SNRNP40: variants seen among roughly 807,000 people sequenced by gnomAD.
SNRNP40 encodes the protein small nuclear ribonucleoprotein U5 subunit 40.
SNRNP40 carries 21 observed loss-of-function variants against 45.8 expected under a neutral mutation model. That is an observed-to-expected ratio of 0.46 (90% CI 0.32 to 0.66). The LOEUF is 0.66. Among genes scored for constraint, SNRNP40 ranks in the 30% least tolerant of loss-of-function variants. The pLI, the probability that SNRNP40 is intolerant of heterozygous loss-of-function variation, is 0.03. For synonymous variants in SNRNP40, 142 were observed against 163.8 expected (o/e 0.87, Z 1.01); for missense variants, 344 against 439.1 (o/e 0.78, Z 1.94).
rs368995037 is a variant in SNRNP40, at chr1:31,274,645, T to TAAAA, written c.655-3150_655-3147dup. Among the ~76,000 whole-genome samples the TAAAA allele has an allele frequency of 2.3e-3, 259 of 111,998 alleles. 3 individuals are homozygous for TAAAA. Among genetic ancestry groups the TAAAA allele is most frequent in the African/African-American group, 8.2e-3 (235 of 28,588 alleles). 73.5% of individuals were successfully genotyped at this position (111,998 alleles called of 152,430 possible). On this transcript the variant is annotated intron_variant, in intron 5 of 9. Coordinates refer to ENST00000263694, the MANE Select transcript of SNRNP40 (RefSeq NM_004814.3). ...TAATCTATCCTTTTAACCATTACAT[T>TAAAA]AAAAAAAAAAAAAAAAAAAACCAAA...
At chr1:31,278,875 G>A (rs1253544330) in intron 5 of SNRNP40, among the ~76,000 whole-genome samples, 3 of 152,098 alleles carry the variant, frequency 2.0e-5, no homozygotes, top group African/African-American at 7.2e-5. Context: ...GGCCCTTGGC[G>A]AATAATGATG....
chr1:31,267,726 G>A, intron 8 of SNRNP40, 145 bp downstream of exon 8: 3 of 610,318 alleles, frequency 4.9e-6, no homozygotes, highest in Non-Finnish European at 9.0e-6. Context: ...GTAGGGATGG[G>A]GTTTCTCCAT....
chr1:31,289,885 T>C (rs563476707), intron 3 of SNRNP40, among the ~76,000 whole-genome samples: 13 of 152,304 alleles, frequency 8.5e-5, no homozygotes, highest in African/African-American at 3.1e-4. Context: ...CTTTCATTTT[T>C]TTTTTGAGAT....
intron 4 of SNRNP40, among the ~76,000 whole-genome samples, chr1:31,287,884 C>T (rs1014135696): frequency 1.3e-5 from 2 of 152,192 alleles, no homozygotes; most frequent in African/African-American, 4.8e-5. Flanking sequence ...GTAGTCCCAG[C>T]TACTAGGGAG....
At chr1:31,286,883 C>T (rs1646063495) in intron 4 of SNRNP40, among the ~76,000 whole-genome samples, 1 of 152,126 alleles carries the variant, frequency 6.6e-6, no homozygotes, top group Non-Finnish European at 1.5e-5. Context: ...CTGCTTTGGC[C>T]TATATAACTG....
At chr1:31,266,749 A>C (rs1645899371) in intron 8 of SNRNP40, among the ~76,000 whole-genome samples, 1 of 152,234 alleles carries the variant, frequency 6.6e-6, no homozygotes, top group South Asian at 2.1e-4. Flanking sequence ...CAACACAGGC[A>C]GGCATTACCA....
chr1:31,271,991 A>T (rs990724955), intron 5 of SNRNP40, among the ~76,000 whole-genome samples: 1 of 152,228 alleles, frequency 6.6e-6, no homozygotes, highest in Non-Finnish European at 1.5e-5. Context: ...AGATAAATAT[A>T]AACGAATGCA....
At chr1:31,281,693 G>A (rs1646017609) in intron 4 of SNRNP40, 197 bp from the exon 5 acceptor site, 2 of 409,470 alleles carry the variant, frequency 4.9e-6, no homozygotes, top group Non-Finnish European at 8.7e-6. Context: ...TTTGAAGGCT[G>A]GTGAAACAAA....
intron 5 of SNRNP40, among the ~76,000 whole-genome samples, chr1:31,275,300 C>T (rs994906688): frequency 1.3e-5 from 2 of 152,152 alleles, no homozygotes; most frequent in South Asian, 2.1e-4. Context: ...CTCTCCTTTG[C>T]ATGTTTAAAG....
chr1:31,259,826 A>G lies in SNRNP40; in HGVS notation c.*246T>C, dbSNP rs1238044400. The G allele has an allele frequency of 1.2e-5, 8 of 661,742 alleles. No homozygotes were observed. Among genetic ancestry groups the G allele is most frequent in the Admixed American group, 8.6e-5 (4 of 46,334 alleles). The allele number at this position is 661,742 out of a possible 1,614,324, so 41.0% of individuals were successfully genotyped here. On this transcript the variant is annotated 3_prime_UTR_variant, in exon 10 of 10. Coordinates refer to ENST00000263694, the MANE Select transcript of SNRNP40 (RefSeq NM_004814.3). ...CTGCATTAGAAAACAGGAAAAAAGA[A>G]AAAGAAAAAAAAAAACAGTCCCTGA...
Position 31,296,783 on chromosome 1 carries a change from G to C in SNRNP40, c.-32C>G, listed in dbSNP as rs1430466961. Reference sequence around the variant, plus strand: ...AACCGGTCTCTTCAGCGCCGCCACTGACCGCGCTGCCGCTCTCAGGCGCCA... The same window carrying C: ...AACCGGTCTCTTCAGCGCCGCCACTCACCGCGCTGCCGCTCTCAGGCGCCA... On this transcript the variant is annotated 5_prime_UTR_variant, in exon 1 of 10. Coordinates refer to ENST00000263694, the MANE Select transcript of SNRNP40 (RefSeq NM_004814.3). The C allele has an allele frequency of 1.9e-6, 3 of 1,551,636 alleles. No homozygotes were observed. The highest frequency in any genetic ancestry group is 2.6e-6 in the Non-Finnish European group (3 of 1,149,106).
intron 1 of SNRNP40, among the ~76,000 whole-genome samples, chr1:31,294,520 C>T (rs1381450207): frequency 1.3e-5 from 2 of 151,560 alleles, no homozygotes; most frequent in South Asian, 2.1e-4. Context: ...AGTACAATGG[C>T]GTGATCTCGT....
At chr1:31,262,272 C>T (rs1024133299) in intron 8 of SNRNP40, among the ~76,000 whole-genome samples, 4 of 152,054 alleles carry the variant, frequency 2.6e-5, no homozygotes, top group African/African-American at 9.7e-5. Context: ...GTACTCCCAA[C>T]ACTTTGGGAG....
At position 31,259,755 on chromosome 1, in the gene SNRNP40, CAAA is replaced by C. The variant is rs59591825; in HGVS notation, c.*314_*316del. The stretch of plus-strand genomic sequence containing the variant: ...AAGAAAATATCATACAAGCCAGTTA[CAAA>C]AAAAAAAAAAAAATCCCAACCAACA... On this transcript the variant is annotated 3_prime_UTR_variant, in exon 10 of 10. Transcript: ENST00000263694. The C allele has an allele frequency of 2.5e-3, 1,114 of 438,234 alleles. No homozygotes were observed. Among genetic ancestry groups the C allele is most frequent in the Non-Finnish European group, 3.0e-3 (715 of 237,746 alleles). The allele number at this position is 438,234 out of a possible 1,614,324, so 27.1% of individuals were successfully genotyped here.
At chr1:31,291,423 T>C (rs1646106828) in intron 3 of SNRNP40, among the ~76,000 whole-genome samples, 1 of 152,040 alleles carries the variant, frequency 6.6e-6, no homozygotes, top group African/African-American at 2.4e-5. Context: ...CCAGGCATGG[T>C]GGTTAATTAT....
intron 6 of SNRNP40, 53 bp from the exon 7 acceptor site, chr1:31,269,293 G>T (rs775136912): frequency 6.2e-7 from 1 of 1,604,374 alleles, no homozygotes; most frequent in African/African-American, 1.3e-5. Flanking sequence ...TCGGCCAGAG[G>T]CCTCCTGGGC....
chr1:31,287,434 G>C (rs1030680684), intron 4 of SNRNP40, among the ~76,000 whole-genome samples: 11 of 152,162 alleles, frequency 7.2e-5, no homozygotes, highest in African/African-American at 2.4e-4. Context: ...AGACAGAAAG[G>C]ACATATACTC....
chr1:31,261,169 C>T (rs528885191), intron 9 of SNRNP40: 192 of 354,476 alleles, frequency 5.4e-4, no homozygotes, highest in African/African-American at 3.9e-3. Flanking sequence ...GGTGAAACCC[C>T]GTCTCTACTA....
At position 31,261,591 on chromosome 1, in the gene SNRNP40, T is replaced by C; in HGVS notation, c.962A>G (p.Tyr321Cys). 1 of 1,614,094 alleles carries C rather than the reference T, an allele frequency of 6.2e-7. No homozygotes were observed. Among genetic ancestry groups the C allele is most frequent in the East Asian group, 2.2e-5 (1 of 44,872 alleles). The change falls in exon 9 of 10, where the codon TAT becomes TGT. Residue 321 changes from tyrosine (Y) to cysteine (C), a missense_variant. Tyr to Cys is a radical substitution (Grantham distance 194). Around this residue, in one of 2 missense-constraint regions of SNRNP40, gnomAD observed 254 missense variants for 380.2 expected, o/e 0.67. Transcript: ENST00000263694. ...GGAGCCAGCATGGCCGGGCAGCTTA[T>C]ACAATATTCTCCTGCTTGTGGTATC... ...VWDTTSRRIL[Y>C]KLPGHAGSIN...
Sources: allele counts gnomAD v4.1 joint callset (sites outside exome capture counted in the v4.1 genomes callset), GRCh38; gene constraint gnomAD v4.1.1; regional missense constraint gnomAD v4.1.1; transcripts MANE v1.5; gene names NCBI Gene and HGNC (gene_info 2026-07-23, HGNC 2026-07-21).